ATRNL1: variants seen among roughly 807,000 people sequenced by gnomAD.
ATRNL1 encodes the protein attractin-like protein 1.
In ATRNL1, 95 loss-of-function variants were observed where a neutral mutation model predicts 182.7. That is an observed-to-expected ratio of 0.52 (90% CI 0.44 to 0.62). The LOEUF is 0.62. Ranked by LOEUF, ATRNL1 falls within the 20% of genes least tolerant of loss-of-function variation. The pLI is 0.00. For missense variants in ATRNL1, 1,471 were observed against 1,679.5 expected (o/e 0.88, Z 2.17); for synonymous variants, 576 against 568.3 (o/e 1.01, Z -0.19).
intron 1 of ATRNL1, among the ~76,000 whole-genome samples, chr10:115,119,539 G>C (rs1207422527): frequency 6.6e-6 from 1 of 151,880 alleles, no homozygotes; most frequent in Non-Finnish European, 1.5e-5. Flanking sequence ...TTGTTTTAAA[G>C]ATTTTTAATT....
At chr10:115,187,003 A>G (rs542075912) in intron 8 of ATRNL1, among the ~76,000 whole-genome samples, 9 of 152,256 alleles carry the variant, frequency 5.9e-5, no homozygotes, top group Admixed American at 5.9e-4. Flanking sequence ...CAACAGATGT[A>G]TGAAAACATG....
At chr10:115,343,539 T>G (rs1232167985) in intron 19 of ATRNL1, among the ~76,000 whole-genome samples, 1 of 152,222 alleles carries the variant, frequency 6.6e-6, no homozygotes, top group Non-Finnish European at 1.5e-5. Flanking sequence ...CTTTTTGTTA[T>G]CTTGCATTTC....
In ATRNL1 at chr10:115,160,066, T is replaced by A; in HGVS notation, c.856T>A (p.Ser286Thr). The A allele has an allele frequency of 1.2e-6, 2 of 1,611,108 alleles. No homozygotes were observed. The highest frequency in any genetic ancestry group is 1.7e-6 in the Non-Finnish European group (2 of 1,178,474). Residue 286 changes from serine to threonine, a missense_variant, in exon 6 of 29, where the codon TCT becomes ACT. Around this residue, in one of 3 missense-constraint regions of ATRNL1, gnomAD observed 1,031 missense variants for 1,156.0 expected, o/e 0.89. Transcript: ENST00000355044. Reference sequence around the variant, plus strand: ...TCCTGATTGTTCTTTGAATGTTCCCTCTACTGAGTCTTACTGGATTCTGCC... The same window carrying A: ...TCCTGATTGTTCTTTGAATGTTCCCACTACTGAGTCTTACTGGATTCTGCC... ...QGPDCSLNVP[S>T]TESYWILPNV...
chr10:115,550,498 T>A (rs1012950454), intron 26 of ATRNL1, among the ~76,000 whole-genome samples: 27 of 151,928 alleles, frequency 1.8e-4, no homozygotes, highest in African/African-American at 5.8e-4. Context: ...CCATCAAAGA[T>A]CAGTACTATC....
chr10:115,397,235 G>C (rs1260606427), intron 20 of ATRNL1, among the ~76,000 whole-genome samples: 1 of 151,876 alleles, frequency 6.6e-6, no homozygotes, highest in Non-Finnish European at 1.5e-5. Flanking sequence ...TATGGTTTTT[G>C]TTGAAAGTAT....
At chr10:115,864,635 G>C (rs1213154370) in intron 28 of ATRNL1, among the ~76,000 whole-genome samples, 1 of 152,152 alleles carries the variant, frequency 6.6e-6, no homozygotes, top group Non-Finnish European at 1.5e-5. Context: ...GCATGGAGAA[G>C]AGCAAAATAT....
chr10:115,164,519 A>G (rs1249507940), intron 6 of ATRNL1, among the ~76,000 whole-genome samples: 1 of 152,160 alleles, frequency 6.6e-6, no homozygotes, highest in African/African-American at 2.4e-5. Flanking sequence ...TCAAAGCGAT[A>G]TCTGCACTCT....
intron 26 of ATRNL1, among the ~76,000 whole-genome samples, chr10:115,635,973 G>A (rs145829838): frequency 1.5e-3 from 231 of 152,214 alleles, no homozygotes; most frequent in African/African-American, 5.3e-3. Context: ...GTTATGTCAG[G>A]TGAGCGCTTC....
chr10:115,634,112 ATT>A (rs1858708834), intron 26 of ATRNL1, among the ~76,000 whole-genome samples: 1 of 152,116 alleles, frequency 6.6e-6, no homozygotes, highest in African/African-American at 2.4e-5. Context: ...AGCTCTGAAA[ATT>A]AAAATTAGCG....
chr10:115,855,617 G>T (rs782762368), intron 28 of ATRNL1, among the ~76,000 whole-genome samples: 2 of 152,072 alleles, frequency 1.3e-5, no homozygotes, highest in South Asian at 4.2e-4. Context: ...ATGTGCAAAA[G>T]ATGTATACTC....
intron 18 of ATRNL1, among the ~76,000 whole-genome samples, chr10:115,326,138 C>G (rs1216622917): frequency 6.6e-6 from 1 of 152,166 alleles, no homozygotes; most frequent in Non-Finnish European, 1.5e-5. Context: ...AAGAGGAAGT[C>G]AAATTGTCCC....
chr10:115,851,328 T>A (rs1047700951), intron 28 of ATRNL1, among the ~76,000 whole-genome samples: 1 of 151,722 alleles, frequency 6.6e-6, no homozygotes, highest in Non-Finnish European at 1.5e-5. Context: ...AGGAGCTAGT[T>A]TGGCCATCTC....
intron 25 of ATRNL1, among the ~76,000 whole-genome samples, chr10:115,539,117 C>T (rs567187149): frequency 6.6e-6 from 1 of 152,218 alleles, no homozygotes; most frequent in South Asian, 2.1e-4. Flanking sequence ...GAACATATCC[C>T]CATTAGTAAG....
At chr10:115,707,472 T>C (rs1946936433) in intron 26 of ATRNL1, among the ~76,000 whole-genome samples, 1 of 151,712 alleles carries the variant, frequency 6.6e-6, no homozygotes, top group South Asian at 2.1e-4. Context: ...TCATTCACAA[T>C]ATCATATTAA....
chr10:115,797,315 C>T (rs2134225740), intron 27 of ATRNL1, among the ~76,000 whole-genome samples: 2 of 152,220 alleles, frequency 1.3e-5, no homozygotes, highest in East Asian at 3.9e-4. Context: ...GACACCTTTT[C>T]CTTTCTTCCG....
At chr10:115,728,156 G>T (rs1367602039) in intron 27 of ATRNL1, among the ~76,000 whole-genome samples, 1 of 148,522 alleles carries the variant, frequency 6.7e-6, no homozygotes, top group African/African-American at 2.5e-5. Flanking sequence ...TTAGCCGGGC[G>T]TGGTGGCAGG....
intron 19 of ATRNL1, among the ~76,000 whole-genome samples, chr10:115,386,225 T>C (rs1288239955): frequency 6.6e-6 from 1 of 152,230 alleles, no homozygotes; most frequent in Non-Finnish European, 1.5e-5. Flanking sequence ...AAAAATCCTT[T>C]CAGTAGATAT....
chr10:115,715,012 G>C (rs1011989360), intron 26 of ATRNL1, among the ~76,000 whole-genome samples: 1 of 152,084 alleles, frequency 6.6e-6, no homozygotes, highest in Non-Finnish European at 1.5e-5. Context: ...ACAGGAAGAC[G>C]CTGCAAAGTT....
At chr10:115,131,652 T>A (rs1230616412) in intron 5 of ATRNL1, among the ~76,000 whole-genome samples, 1 of 152,158 alleles carries the variant, frequency 6.6e-6, no homozygotes, top group East Asian at 1.9e-4. Context: ...ATGAGAGACA[T>A]GTGAAAATGC....
Sources: allele counts gnomAD v4.1 joint callset (sites outside exome capture counted in the v4.1 genomes callset), GRCh38; gene constraint gnomAD v4.1.1; regional missense constraint gnomAD v4.1.1; transcripts MANE v1.5; gene names NCBI Gene and HGNC (gene_info 2026-07-23, HGNC 2026-07-21).